DNAH5: variants seen among roughly 807,000 people sequenced by gnomAD.
The protein encoded by DNAH5 is axonemal beta dynein heavy chain 5.
A neutral mutation model predicts 518.2 loss-of-function variants in DNAH5; 372 were observed. That is an observed-to-expected ratio of 0.72 (90% confidence interval 0.66 to 0.78). The LOEUF (loss-of-function observed/expected upper bound fraction) is 0.78, where lower values mean the gene tolerates loss of function less well. Among genes scored for constraint, DNAH5 ranks in the 30% least tolerant of loss-of-function variants. DNAH5 has a pLI of 0.00. For synonymous variants in DNAH5, 2,039 were observed against 2,025.9 expected (o/e 1.01, Z -0.17); for missense variants, 5,523 against 5,687.0 (o/e 0.97, Z 0.93).
chr5:13,867,079 T>C (rs898065373), intron 25 of DNAH5, among the ~76,000 whole-genome samples: 3 of 152,246 alleles, frequency 2.0e-5, no homozygotes, highest in African/African-American at 7.2e-5. Flanking sequence ...AGGACAATTA[T>C]AACTGCATGC....
At chr5:13,712,433 T>A (rs932395651) in intron 75 of DNAH5, among the ~76,000 whole-genome samples, 2 of 152,020 alleles carry the variant, frequency 1.3e-5, no homozygotes, top group Non-Finnish European at 2.9e-5. Context: ...GACCAAGAAC[T>A]CAAAAGCAAA....
chr5:13,848,470 T>C (rs1341651925), intron 31 of DNAH5, among the ~76,000 whole-genome samples: 2 of 152,314 alleles, frequency 1.3e-5, no homozygotes, highest in Non-Finnish European at 2.9e-5. Flanking sequence ...AAGCGCATTA[T>C]ATTTACTGTG....
At chr5:13,740,477 C>T (rs1748323902) in intron 65 of DNAH5, among the ~76,000 whole-genome samples, 1 of 152,146 alleles carries the variant, frequency 6.6e-6, no homozygotes, top group Non-Finnish European at 1.5e-5. Flanking sequence ...ACTTTTCTCC[C>T]CTTTTTCACT....
At position 13,735,196 on chromosome 5, in the gene DNAH5, A is replaced by G; in HGVS notation, c.11696T>C (p.Leu3899Pro). The G allele has an allele frequency of 1.2e-6, 2 of 1,614,120 alleles. No homozygotes were observed. Among genetic ancestry groups the G allele is most frequent in the Non-Finnish European group, 1.7e-6 (2 of 1,179,996 alleles). ...CCTCTGGATGTCAATCTTTAGGGTA[A>G]GCAACAAGGTGAACAGGAATTTGTG... is the stretch of plus-strand genomic sequence containing the variant. ...EEHKFLFTLLLTLKIDIQRNR... is the reference protein window; with the variant it reads ...EEHKFLFTLLPTLKIDIQRNR... Residue 3899 changes from leucine (L) to proline (P), a missense_variant, in exon 68 of 79, where the codon CTT (leucine) becomes CCT (proline). Transcript: ENST00000265104.
At chr5:13,748,540 C>G (rs1291053885) in intron 65 of DNAH5, among the ~76,000 whole-genome samples, 1 of 152,074 alleles carries the variant, frequency 6.6e-6, no homozygotes, top group Non-Finnish European at 1.5e-5. Context: ...TTGTTTGTAT[C>G]CTCTTTTATT....
At chr5:13,987,615 G>A (rs1783148242) in intron 1 of DNAH5, among the ~76,000 whole-genome samples, 1 of 152,142 alleles carries the variant, frequency 6.6e-6, no homozygotes, top group Non-Finnish European at 1.5e-5. Flanking sequence ...CACTTTGGGA[G>A]GCTGAGGAAG....
Position 13,730,146 on chromosome 5 carries a change from C to T in DNAH5, c.11762-586G>A, listed in dbSNP as rs180976515. 4.1e-3 allele frequency among the ~76,000 whole-genome samples: 627 copies of T among 152,278 alleles called. 4 individuals carry two copies. Among genetic ancestry groups the T allele is most frequent in the African/African-American group, 0.014 (602 of 41,554 alleles). On this transcript the variant is annotated intron_variant, in intron 68 of 78. Transcript: ENST00000265104. ...TGTCACTTATGCCTGTGGTTATACC[C>T]TAAGCTAACCACAACAAACATTTCC...
intron 15 of DNAH5, among the ~76,000 whole-genome samples, chr5:13,896,082 G>A (rs534076875): frequency 1.3e-5 from 2 of 151,876 alleles, no homozygotes; most frequent in East Asian, 4.0e-4. Flanking sequence ...CTGTAAATGT[G>A]GAAAGCAAGT....
chr5:13,968,668 T>C (rs150220701), intron 1 of DNAH5, among the ~76,000 whole-genome samples: 1 of 152,356 alleles, frequency 6.6e-6, no homozygotes, highest in East Asian at 1.9e-4. Context: ...TAAAACCTAA[T>C]TGATCATGGT....
chr5:13,834,428 A>G (rs1368673667), intron 35 of DNAH5, among the ~76,000 whole-genome samples: 1 of 152,236 alleles, frequency 6.6e-6, no homozygotes, highest in Admixed American at 6.5e-5. Flanking sequence ...ATGCTACTTC[A>G]TGTTCTTCTG....
chr5:13,901,793 A>T (rs1774662984), intron 13 of DNAH5, among the ~76,000 whole-genome samples: 1 of 152,166 alleles, frequency 6.6e-6, no homozygotes, highest in African/African-American at 2.4e-5. Context: ...CAAATTATCT[A>T]TACATTAGGA....
At chr5:13,836,192 A>C (rs1021855450) in intron 35 of DNAH5, among the ~76,000 whole-genome samples, 1 of 152,198 alleles carries the variant, frequency 6.6e-6, no homozygotes. Flanking sequence ...CAACAGCAGG[A>C]GGGCACTTTT....
intron 24 of DNAH5, 65 bp downstream of exon 24, chr5:13,870,702 T>C: frequency 7.2e-7 from 1 of 1,391,454 alleles, no homozygotes; most frequent in Non-Finnish European, 1.0e-6. Flanking sequence ...ACCCAGTCAA[T>C]ATTTCAGCTA....
chr5:13,966,582 T>C (rs967438985), intron 1 of DNAH5, among the ~76,000 whole-genome samples: 1 of 152,252 alleles, frequency 6.6e-6, no homozygotes, highest in Admixed American at 6.5e-5. Flanking sequence ...TATCACATTG[T>C]GGCTTTGATT....
rs149463166 is a variant in DNAH5 at position 13,904,416 on chromosome 5, T to C, written c.1645-2278A>G. On this transcript the variant is annotated intron_variant, in intron 12 of 78. Transcript: ENST00000265104. ...ATATAAATTATAGATATATATATTA[T>C]AGATATATGGATTTTATATATATGT... Among the ~76,000 whole-genome samples, 158 of 148,464 alleles carry C rather than the reference T, an allele frequency of 1.1e-3. 1 individual carries two copies. The East Asian group carries it at 0.027, about 25-fold the overall frequency.
chr5:13,920,483 T>G lies in DNAH5; in HGVS notation c.795A>C (p.Glu265Asp). Residue 265 changes from glutamate (E) to aspartate (D), a missense_variant, in exon 6 of 79, where the codon GAA becomes GAC. By Grantham distance (45) the Glu-to-Asp change is conservative. This residue lies in a region of DNAH5 where 5,121 missense variants were observed against 5,223.3 expected (regional missense o/e 0.98). Coordinates refer to ENST00000265104, the MANE Select transcript of DNAH5 (RefSeq NM_001369.3). ...ATGTTTGGTTTCTCAAAATTACCTG[T>G]TCTGTCTGTTTGATCCATACTTTCA... ...DCMKVWIKQT[E>D]QVLAENNQLL... 1.9e-6 allele frequency: 3 copies of G among 1,614,188 alleles called. No individual in the cohort carries two copies. Among genetic ancestry groups the G allele is most frequent in the Non-Finnish European group, 1.7e-6 (2 of 1,180,016 alleles).
Position 13,871,007 on chromosome 5 carries a change from A to G in DNAH5, c.3599-5T>C. On this transcript the variant is annotated splice_polypyrimidine_tract_variant and splice_region_variant and intron_variant, in intron 23 of 78. Coordinates refer to ENST00000265104, the MANE Select transcript of DNAH5 (RefSeq NM_001369.3). ...TCAGGGCGAACTTCAAGTCAGCTGT[A>G]AAAACCCAAATGTCTACAGTTCAGT... The G allele has an allele frequency of 1.9e-6, 3 of 1,610,528 alleles. No homozygotes were observed. The highest frequency in any genetic ancestry group is 2.5e-6 in the Non-Finnish European group (3 of 1,177,446).
chr5:13,976,077 G>C (rs1407284342), intron 1 of DNAH5, among the ~76,000 whole-genome samples: 3 of 152,232 alleles, frequency 2.0e-5, no homozygotes, highest in Non-Finnish European at 4.4e-5. Flanking sequence ...GAGAGATACA[G>C]TGTGAGACAT....
chr5:13,952,749 C>T (rs1051361873), intron 1 of DNAH5, among the ~76,000 whole-genome samples: 1 of 152,148 alleles, frequency 6.6e-6, no homozygotes, highest in East Asian at 1.9e-4. Flanking sequence ...CCAAGGAGGA[C>T]AAAAATAACC....
Sources: allele counts gnomAD v4.1 joint callset (sites outside exome capture counted in the v4.1 genomes callset), GRCh38; gene constraint gnomAD v4.1.1; regional missense constraint gnomAD v4.1.1; transcripts MANE v1.5; gene names NCBI Gene and HGNC (gene_info 2026-07-23, HGNC 2026-07-21).